LGI3: variants seen among roughly 807,000 people sequenced by gnomAD.
The protein encoded by LGI3 is leucine rich repeat LGI family member 3.
LGI3 carries 47 observed loss-of-function variants against 55.4 expected under a neutral mutation model. The ratio of observed to expected loss-of-function variants is 0.85; its 90% CI spans 0.67 to 1.08. The LOEUF is 1.08. Among genes scored for constraint, LGI3 ranks in the 50% least tolerant of loss-of-function variants. LGI3 has a pLI of 0.00. For missense variants in LGI3, 664 were observed against 726.3 expected (o/e 0.91, Z 0.99); for synonymous variants, 326 against 315.0 (o/e 1.04, Z -0.37).
intron 7 of LGI3, among the ~76,000 whole-genome samples, chr8:22,149,184 G>T (rs1284444250): frequency 6.6e-6 from 1 of 152,190 alleles, no homozygotes; most frequent in East Asian, 1.9e-4. Context: ...TATCACCCTT[G>T]TTCCACCCAT....
intron 1 of LGI3, among the ~76,000 whole-genome samples, chr8:22,156,127 C>G (rs1563213113): frequency 6.6e-6 from 1 of 152,202 alleles, no homozygotes; most frequent in East Asian, 1.9e-4. Context: ...GTGGTGAACT[C>G]CTGCTTTCCC....
intron 5 of LGI3, among the ~76,000 whole-genome samples, chr8:22,152,688 C>T (rs553470539): frequency 4.5e-4 from 65 of 143,374 alleles, no homozygotes; most frequent in South Asian, 6.7e-4. Flanking sequence ...TTGCAGTGAG[C>T]GGAGATCACG....
At chr8:22,153,933 C>T (rs546344569) in intron 5 of LGI3, 35 bp downstream of exon 5, 8 of 1,601,510 alleles carry the variant, frequency 5.0e-6, no homozygotes, top group Non-Finnish European at 6.8e-6. Flanking sequence ...GCGCCCTCTG[C>T]GGCACTGTTG....
Position 22,151,567 on chromosome 8 carries a change from G to A in LGI3, c.751C>T (p.Gln251Ter), listed in dbSNP as rs1563209759. ...ATGGTGCAGGCACTGACTCCTGGCT[G>A]GGCCAGAGCCAAATAGAGGTCACTG... ...YSSDLYLALAQPGVSACTILK... is the reference protein window; with the variant it reads ...YSSDLYLALA The change falls in exon 7 of 8, where the codon CAG (glutamine) becomes TAG (stop). Residue 251 changes from glutamine (Q) to a stop codon, truncating the protein, a stop_gained. Transcript: ENST00000306317. LOFTEE classifies it high-confidence loss of function. The A allele has an allele frequency of 6.2e-7, 1 of 1,614,026 alleles. No homozygotes were observed. The highest frequency in any genetic ancestry group is 8.5e-7 in the Non-Finnish European group (1 of 1,179,936).
In LGI3 at chr8:22,156,580, C is replaced by T. The variant is rs2131799447; in HGVS notation, c.-38G>A. The stretch of plus-strand genomic sequence containing the variant: ...CTCTCCCTGGGGCCGGCGGCCGCGG[C>T]CCCCGCCCCACCGCTCCCGCGGCTG... On this transcript the variant is annotated 5_prime_UTR_variant, in exon 1 of 8. Transcript: ENST00000306317. The T allele has an allele frequency of 1.4e-5, 12 of 842,360 alleles. No individual in the cohort carries two copies. Among genetic ancestry groups the T allele is most frequent in the East Asian group, 3.8e-5 (1 of 26,410 alleles). The allele number at this position is 842,360 out of a possible 1,614,324, so 52.2% of individuals were successfully genotyped here. A position where few individuals can be genotyped will look rare whatever the true frequency, so the allele number is the denominator to read the frequency against.
At chr8:22,154,667 G>A in intron 2 of LGI3, 36 bp from the exon 3 acceptor site, 2 of 1,513,218 alleles carry the variant, frequency 1.3e-6, no homozygotes, top group Non-Finnish European at 1.8e-6. Flanking sequence ...GCTTCCAAGG[G>A]TGTGCCTGCT....
chr8:22,156,435 C>T lies in LGI3; in HGVS notation c.108G>A (p.Thr36=), dbSNP rs986408505. The change falls in exon 1 of 8, where the codon ACG becomes ACA. Residue 36 remains threonine (T), a synonymous_variant. Transcript: ENST00000306317. ...AAGAGCAGCTGGGCGGGCAGGGGGGCGTCTTGGGGGGCCTCTTAGCGCTGA... is the reference window on the plus strand; with the variant it reads ...AAGAGCAGCTGGGCGGGCAGGGGGGTGTCTTGGGGGGCCTCTTAGCGCTGA... ...LQVSAKRPPK[T]PPCPPSCSCT... 1.3e-6 allele frequency: 2 copies of T among 1,572,334 alleles called. No individual in the cohort carries two copies. The highest frequency in any genetic ancestry group is 8.6e-7 in the Non-Finnish European group (1 of 1,162,182).
At chr8:22,155,110 C>A in intron 2 of LGI3, 1 of 504,326 alleles carries the variant, frequency 2.0e-6, no homozygotes, top group South Asian at 2.3e-5. Flanking sequence ...CCCAGGCTAT[C>A]GCACCCAATT....
chr8:22,156,399 G>A lies in LGI3; in HGVS notation c.144C>T (p.Asp48=). Residue 48 remains aspartate (D), a synonymous_variant, in exon 1 of 8, where the codon GAC becomes GAT. Coordinates refer to ENST00000306317, the MANE Select transcript of LGI3 (RefSeq NM_139278.4). The stretch of plus-strand genomic sequence containing the variant: ...CCTTTGAGTCCACGCAGAAGGCGGT[G>A]TCCCTGGTGCAAGAGCAGCTGGGCG... The part of the protein sequence containing the change: ...PCPPSCSCTR[D]TAFCVDSKAV... 6.2e-7 allele frequency: 1 copy of A among 1,602,670 alleles called. No individual in the cohort carries two copies. Among genetic ancestry groups the A allele is most frequent in the South Asian group, 1.1e-5 (1 of 89,960 alleles).
chr8:22,149,294 C>T (rs762964594), intron 7 of LGI3, among the ~76,000 whole-genome samples: 7 of 152,186 alleles, frequency 4.6e-5, no homozygotes, highest in Non-Finnish European at 1.0e-4. Flanking sequence ...ATTTTTATTG[C>T]GTGCAGTCAC....
intron 5 of LGI3, among the ~76,000 whole-genome samples, chr8:22,152,814 G>A (rs1387682830): frequency 6.6e-6 from 1 of 151,646 alleles, no homozygotes; most frequent in Non-Finnish European, 1.5e-5. Flanking sequence ...ACTTTGGGAG[G>A]CAGAGGCGAG....
intron 2 of LGI3, 55 bp from the exon 3 acceptor site, chr8:22,154,686 C>T: frequency 7.5e-7 from 1 of 1,338,840 alleles, no homozygotes; most frequent in African/African-American, 1.4e-5. Context: ...CTGCCCCAGC[C>T]CCCAGCCCGC....
At chr8:22,152,913 G>A (rs1364180208) in intron 5 of LGI3, among the ~76,000 whole-genome samples, 1 of 150,754 alleles carries the variant, frequency 6.6e-6, no homozygotes, top group Admixed American at 6.6e-5. Flanking sequence ...AGCCAGGTGT[G>A]GTGGTGCATG....
At chr8:22,151,441 C>G in intron 7 of LGI3, 48 bp downstream of exon 7, 1 of 1,584,028 alleles carries the variant, frequency 6.3e-7, no homozygotes, top group Middle Eastern at 1.7e-4. Flanking sequence ...GAGCCCACTC[C>G]CCCCTCCCCC....
In LGI3 at chr8:22,148,159, C is replaced by G; in HGVS notation, c.*1G>C. The G allele has an allele frequency of 6.3e-7, 1 of 1,588,936 alleles. No homozygotes were observed. The highest frequency in any genetic ancestry group is 1.2e-5 in the South Asian group (1 of 86,886). On this transcript the variant is annotated 3_prime_UTR_variant, in exon 8 of 8. Coordinates refer to ENST00000306317, the MANE Select transcript of LGI3 (RefSeq NM_139278.4). This position sits in a 1 kb window ranked among gnomAD's most constrained non-coding sequence, Gnocchi z 7.0. Reference sequence around the variant, plus strand: ...GAGGAGACCAGAGGCCTCGGCACCCCCTAGGCACTGAGATCCACCACAATG... The same window carrying G: ...GAGGAGACCAGAGGCCTCGGCACCCGCTAGGCACTGAGATCCACCACAATG...
intron 1 of LGI3, 110 bp from the exon 2 acceptor site, chr8:22,155,573 C>T: frequency 2.3e-6 from 2 of 858,374 alleles, no homozygotes; most frequent in Non-Finnish European, 1.9e-6. Flanking sequence ...CTGGAAATGC[C>T]CCATTTCACC....
In LGI3 at chr8:22,156,501, C is replaced by A. The variant is rs1450693125; in HGVS notation, c.42G>T (p.Leu14=). Residue 14 remains leucine, a synonymous_variant, in exon 1 of 8, where the codon CTG becomes CTT. Transcript: ENST00000306317. The stretch of plus-strand genomic sequence containing the variant: ...AGAAGCCGAGCGCGGAGAGCGCCAG[C>A]AGCCCCGGCCCCGGGCCCCCCCTGG... ...LRARGGPGPG[L]LALSALGFCL... 46 of 1,408,824 alleles carry A rather than the reference C, an allele frequency of 3.3e-5. No individual in the cohort carries two copies. The highest frequency in any genetic ancestry group is 4.1e-5 in the Non-Finnish European group (44 of 1,082,166). 87.3% of individuals were successfully genotyped at this position (1,408,824 alleles called of 1,614,324 possible).
Position 22,156,427 on chromosome 8 carries a change from CA to C in LGI3, c.115del (p.Cys39AlafsTer31). 4 of 1,582,984 alleles carry C rather than the reference CA, an allele frequency of 2.5e-6. No homozygotes were observed. The highest frequency in any genetic ancestry group is 3.4e-6 in the Non-Finnish European group (4 of 1,166,956). On this transcript the variant is annotated frameshift_variant, in exon 1 of 8. Transcript: ENST00000306317. LOFTEE classifies it high-confidence loss of function. ...SAKRPPKTPP[C>X]PPSCSCTRDT... ...CCTGGTGCAAGAGCAGCTGGGCGGG[CA>C]GGGGGGCGTCTTGGGGGGCCTCTTA... is the stretch of plus-strand genomic sequence containing the variant.
At position 22,156,437 on chromosome 8, in the gene LGI3, T is replaced by G. The variant is rs1827502891; in HGVS notation, c.106A>C (p.Thr36Pro). Residue 36 changes from threonine to proline, a missense_variant, in exon 1 of 8, where the codon ACG becomes CCG. Transcript: ENST00000306317. ...GAGCAGCTGGGCGGGCAGGGGGGCG[T>G]CTTGGGGGGCCTCTTAGCGCTGACT... The part of the protein sequence containing the change: ...LQVSAKRPPK[T>P]PPCPPSCSCT... 1 of 1,571,352 alleles carries G rather than the reference T, an allele frequency of 6.4e-7. No individual in the cohort carries two copies.
Sources: allele counts gnomAD v4.1 joint callset (sites outside exome capture counted in the v4.1 genomes callset), GRCh38; gene constraint gnomAD v4.1.1; non-coding constraint Gnocchi (gnomAD v3.1); transcripts MANE v1.5; gene names NCBI Gene and HGNC (gene_info 2026-07-23, HGNC 2026-07-21).